ITPRID1: variants seen among roughly 807,000 people sequenced by gnomAD.
The protein encoded by ITPRID1 is ITPR interacting domain containing 1.
A neutral mutation model predicts 95.4 loss-of-function variants in ITPRID1; 96 were observed. The ratio of observed to expected loss-of-function variants is 1.01; its 90% CI spans 0.85 to 1.19. The LOEUF (loss-of-function observed/expected upper bound fraction) is 1.19, where lower values mean the gene tolerates loss of function less well. Among genes scored for constraint, ITPRID1 ranks in the 50% most tolerant of loss-of-function variants. The probability of loss-of-function intolerance (pLI) is 0.00; values close to 1 mark genes in which losing one functional copy is unlikely to be tolerated. For missense variants in ITPRID1, 1,339 were observed against 1,252.9 expected, an observed-to-expected ratio of 1.07 and a Z score of -1.04; for synonymous variants, 510 against 453.6, an observed-to-expected ratio of 1.12 and a Z score of -1.58.
chr7:31,520,560 TGTGTGAGAGAGAGA>T (rs1252853726), intron 1 of ITPRID1, among the ~76,000 whole-genome samples: 179 of 78,798 alleles, frequency 2.3e-3, no homozygotes, highest in African/African-American at 6.4e-3. Context: ...TGTGTGTGTG[TGTGTGAGAGAGAGA>T]GAGAGAGTTT....
chr7:31,613,393 G>T (rs1422202983), intron 10 of ITPRID1, among the ~76,000 whole-genome samples: 7 of 152,156 alleles, frequency 4.6e-5, no homozygotes, highest in African/African-American at 1.7e-4. Flanking sequence ...TTGTTTTTAT[G>T]GAGGAATGGG....
chr7:31,581,197 G>C (rs1010327804), intron 9 of ITPRID1, among the ~76,000 whole-genome samples: 1 of 152,128 alleles, frequency 6.6e-6, no homozygotes, highest in Non-Finnish European at 1.5e-5. Flanking sequence ...AGAATTTCAA[G>C]TATGATTGGC....
chr7:31,627,151 G>C (rs1788538754), intron 10 of ITPRID1, among the ~76,000 whole-genome samples: 3 of 152,094 alleles, frequency 2.0e-5, no homozygotes, highest in African/African-American at 7.2e-5. Context: ...CTCCTCAATG[G>C]CTGGGCTGTG....
intron 10 of ITPRID1, among the ~76,000 whole-genome samples, chr7:31,619,114 T>C (rs887463): frequency 0.67 from 101,977 of 152,048 alleles, 34,432 homozygotes; most frequent in East Asian, 0.84. Flanking sequence ...TCTGTGTATA[T>C]TAGTCACAAC....
In ITPRID1 at chr7:31,653,991, A is replaced by T. The variant is rs1310548223; in HGVS notation, c.*1162A>T. Among the ~76,000 whole-genome samples, 1 of 149,236 alleles carries T rather than the reference A, an allele frequency of 6.7e-6. No homozygotes were observed. The highest frequency in any genetic ancestry group is 2.5e-5 in the African/African-American group (1 of 40,608). ...GTGCAGGCTACTATTCTAGTGCTGG[A>T]GACAGCCATAAATAAGACAGATGGA... On this transcript the variant is annotated 3_prime_UTR_variant, in exon 15 of 15. Transcript: ENST00000615280.
intron 5 of ITPRID1, among the ~76,000 whole-genome samples, chr7:31,558,389 C>A (rs1217762770): frequency 6.6e-6 from 1 of 152,198 alleles, no homozygotes; most frequent in Non-Finnish European, 1.5e-5. Flanking sequence ...ACTTCTCCCT[C>A]CAGGCCTTCT....
At chr7:31,614,393 C>T (rs1787019797) in intron 10 of ITPRID1, among the ~76,000 whole-genome samples, 2 of 152,204 alleles carry the variant, frequency 1.3e-5, no homozygotes, top group South Asian at 2.1e-4. Context: ...ACTCTCCATG[C>T]AGAGTTTCAG....
In ITPRID1 at chr7:31,656,493, T is replaced by A; in HGVS notation, c.*3664T>A. 1 of 982,166 alleles carries A rather than the reference T, an allele frequency of 1.0e-6. No individual in the cohort carries two copies. The allele number at this position is 982,166 out of a possible 1,614,324, so 60.8% of individuals were successfully genotyped here. On this transcript the variant is annotated 3_prime_UTR_variant, in exon 15 of 15. Transcript: ENST00000615280. The stretch of plus-strand genomic sequence containing the variant: ...GTGCACATACCAAGAACTCAATAAA[T>A]GCTAACTGTAATTACTGTCTTCCTT...
chr7:31,651,827 A>G, intron 13 of ITPRID1, 112 bp from the exon 14 acceptor site: 1 of 698,350 alleles, frequency 1.4e-6, no homozygotes, highest in South Asian at 2.0e-5. Context: ...AATAAAGATG[A>G]CATTCTCTTT....
At position 31,554,507 on chromosome 7, in the gene ITPRID1, C is replaced by T. The variant is rs948428649; in HGVS notation, c.196C>T (p.Leu66=). The T allele has an allele frequency of 1.2e-5, 19 of 1,612,954 alleles. No homozygotes were observed. The highest frequency in any genetic ancestry group is 1.6e-5 in the Non-Finnish European group (19 of 1,179,412). The change falls in exon 4 of 15, where the codon CTG becomes TTG. Residue 66 remains leucine, a synonymous_variant. Transcript: ENST00000615280. ...CAAGCAAGAAAGTATTCAGCAGTGGCTGGACTCTGGATTCTTGTAAGTGTT... is the reference window on the plus strand; with the variant it reads ...CAAGCAAGAAAGTATTCAGCAGTGGTTGGACTCTGGATTCTTGTAAGTGTT... The part of the protein sequence containing the change: ...DSKQESIQQW[L]DSGFFVSANE...
intron 10 of ITPRID1, among the ~76,000 whole-genome samples, chr7:31,634,038 A>T (rs1789251718): frequency 6.6e-6 from 1 of 152,182 alleles, no homozygotes; most frequent in Non-Finnish European, 1.5e-5. Context: ...TACTAATTTT[A>T]GCCATTCCAA....
At chr7:31,615,749 A>ATTCT (rs1787145489) in intron 10 of ITPRID1, among the ~76,000 whole-genome samples, 1 of 69,148 alleles carries the variant, frequency 1.4e-5, no homozygotes, top group African/African-American at 3.9e-5. Context: ...TTTACTGAGA[A>ATTCT]TTCTTTTTTT....
chr7:31,630,415 T>G (rs1235427039), intron 10 of ITPRID1, among the ~76,000 whole-genome samples: 1 of 152,196 alleles, frequency 6.6e-6, no homozygotes, highest in Non-Finnish European at 1.5e-5. Context: ...AATGTGAAGT[T>G]ATACTCTGTC....
chr7:31,553,612 C>T (rs746329271), intron 3 of ITPRID1, among the ~76,000 whole-genome samples: 1 of 152,190 alleles, frequency 6.6e-6, no homozygotes, highest in South Asian at 2.1e-4. Context: ...ACTTCCAGCA[C>T]TCCCTGCCCC....
Position 31,652,769 on chromosome 7 carries a change from A to C in ITPRID1, c.3075A>C (p.Leu1025Phe), listed in dbSNP as rs1413914493. The C allele has an allele frequency of 6.2e-7, 1 of 1,613,840 alleles. No individual in the cohort carries two copies. The highest frequency in any genetic ancestry group is 1.3e-5 in the African/African-American group (1 of 74,930). Residue 1025 changes from leucine (L) to phenylalanine (F), a missense_variant, in exon 15 of 15, where the codon TTA becomes TTC. Physicochemically the swap from Leu to Phe is conservative, Grantham distance 22 (BLOSUM62 0). Coordinates refer to ENST00000615280, the MANE Select transcript of ITPRID1 (RefSeq NM_001257967.3). Reference protein sequence around the residue: ...MSPSSSAWAKLGPTPLSNCPV... With the variant: ...MSPSSSAWAKFGPTPLSNCPV... Reference sequence around the variant, plus strand: ...CTTCATCATCAGCTTGGGCAAAGTTAGGTCCAACCCCTTTGTCAAATTGTC... The same window carrying C: ...CTTCATCATCAGCTTGGGCAAAGTTCGGTCCAACCCCTTTGTCAAATTGTC...
At chr7:31,622,956 CAT>C (rs1461446549) in intron 10 of ITPRID1, among the ~76,000 whole-genome samples, 2 of 152,186 alleles carry the variant, frequency 1.3e-5, no homozygotes, top group Non-Finnish European at 2.9e-5. Context: ...TACAAACTAG[CAT>C]CAGAGAATAC....
intron 5 of ITPRID1, among the ~76,000 whole-genome samples, chr7:31,564,219 T>G (rs1006856492): frequency 1.3e-5 from 2 of 152,128 alleles, no homozygotes; most frequent in African/African-American, 2.4e-5. Context: ...CGGTGTCTGC[T>G]GCTTCAGATG....
At chr7:31,592,372 C>A (rs772837190) in intron 10 of ITPRID1, among the ~76,000 whole-genome samples, 1 of 152,200 alleles carries the variant, frequency 6.6e-6, no homozygotes, top group Non-Finnish European at 1.5e-5. Context: ...CAGCATCTAT[C>A]TCATGGGATT....
At chr7:31,599,644 T>TC (rs1786283137) in intron 10 of ITPRID1, among the ~76,000 whole-genome samples, 2 of 54,506 alleles carry the variant, frequency 3.7e-5, no homozygotes, top group African/African-American at 1.2e-4. Flanking sequence ...TTTCTTTCTT[T>TC]CTTTTTCTTT....
Sources: gnomAD v4.1 joint callset for allele counts (sites outside exome capture counted in the v4.1 genomes callset) on GRCh38, gnomAD v4.1.1 for gene constraint, MANE v1.5 for transcripts, NCBI Gene and HGNC (gene_info 2026-07-23, HGNC 2026-07-21) for gene names.